Variants in MAST4 observed in about 807,000 individuals in gnomAD.
MAST4 encodes microtubule associated serine/threonine kinase family member 4.
Under a neutral mutation model 162.7 loss-of-function variants are expected in MAST4, and 89 were observed. That is an observed-to-expected ratio of 0.55 (90% CI 0.46 to 0.65). The LOEUF is 0.65. Among genes scored for constraint, MAST4 ranks in the 30% least tolerant of loss-of-function variants. The pLI, the probability that MAST4 is intolerant of heterozygous loss-of-function variation, is 0.00. For synonymous variants in MAST4, 1,479 were observed against 1,361.1 expected, an observed-to-expected ratio of 1.09 and a Z score of -1.91; for missense variants, 3,153 against 3,374.0, an observed-to-expected ratio of 0.93 and a Z score of 1.62.
chr5:66,637,352 G>C (rs188649631), intron 1 of MAST4, among the ~76,000 whole-genome samples: 30 of 151,920 alleles, frequency 2.0e-4, no homozygotes, highest in African/African-American at 7.0e-4. Flanking sequence ...CAAATTGGTG[G>C]GACAAAGAGT....
intron 3 of MAST4, among the ~76,000 whole-genome samples, chr5:66,842,982 CA>C (rs1283967733): frequency 4.6e-5 from 7 of 152,208 alleles, no homozygotes; most frequent in African/African-American, 1.7e-4. Flanking sequence ...TAGCCTAGAC[CA>C]ATCAAAATAA....
intron 4 of MAST4, among the ~76,000 whole-genome samples, chr5:66,959,719 G>A (rs1263147698): frequency 1.3e-5 from 2 of 152,218 alleles, no homozygotes; most frequent in Admixed American, 1.3e-4. Flanking sequence ...AGGGTTATTT[G>A]TGACGTTCAT....
chr5:66,804,037 G>A (rs191945221), intron 3 of MAST4, among the ~76,000 whole-genome samples: 2 of 150,268 alleles, frequency 1.3e-5, no homozygotes, highest in East Asian at 3.9e-4. Flanking sequence ...TACATTTATT[G>A]ATGGCCATTA....
At chr5:66,969,883 A>G (rs922256972) in intron 4 of MAST4, among the ~76,000 whole-genome samples, 2 of 152,166 alleles carry the variant, frequency 1.3e-5, no homozygotes, top group Non-Finnish European at 2.9e-5. Flanking sequence ...TGTGGAGAAC[A>G]TTGAAAAAAT....
chr5:66,805,678 A>G (rs1425847024), intron 3 of MAST4, among the ~76,000 whole-genome samples: 2 of 152,160 alleles, frequency 1.3e-5, no homozygotes, highest in African/African-American at 2.4e-5. Flanking sequence ...CCCGAGGCTG[A>G]TGTGACTAGT....
At chr5:66,845,126 T>TACACACACACACAC (rs1554058478) in intron 3 of MAST4, among the ~76,000 whole-genome samples, 2 of 67,176 alleles carry the variant, frequency 3.0e-5, no homozygotes, top group African/African-American at 1.1e-4. Context: ...TATATATATA[T>TACACACACACACAC]ACACACACAC....
intron 1 of MAST4, among the ~76,000 whole-genome samples, chr5:66,701,921 A>G (rs1749802679): frequency 6.6e-6 from 1 of 152,368 alleles, no homozygotes; most frequent in East Asian, 1.9e-4. Flanking sequence ...TTAGAAAATT[A>G]AATTCATATA....
At chr5:67,111,378 A>G (rs1273762779) in intron 11 of MAST4, among the ~76,000 whole-genome samples, 1 of 152,248 alleles carries the variant, frequency 6.6e-6, no homozygotes, top group Non-Finnish European at 1.5e-5. Flanking sequence ...AGCACCATAA[A>G]TACGTACTAG....
Position 66,889,931 on chromosome 5 carries a change from C to G in MAST4, c.643-10020C>G, listed in dbSNP as rs536818170. Among the ~76,000 whole-genome samples the G allele has an allele frequency of 1.2e-3, 176 of 152,226 alleles. 2 individuals carry two copies. Among genetic ancestry groups the G allele is most frequent in the South Asian group, 9.3e-3 (45 of 4,816 alleles). On this transcript the variant is annotated intron_variant, in intron 3 of 28. Transcript: ENST00000403625. ...ATTAGAATATGGGTATGTCTGAATC[C>G]TGATCCTATTTGTTTAATCACTATG...
At chr5:66,722,469 A>G (rs1554046147) in intron 1 of MAST4, among the ~76,000 whole-genome samples, 1 of 142,658 alleles carries the variant, frequency 7.0e-6, no homozygotes, top group African/African-American at 2.7e-5. Flanking sequence ...TTTTTTTTAC[A>G]TAGTATTTTA....
Position 67,152,849 on chromosome 5 carries a change from G to A in MAST4, c.3508G>A (p.Val1170Met). Residue 1170 changes from valine to methionine, a missense_variant, in exon 25 of 29, where the codon GTG (valine) becomes ATG (methionine). Coordinates refer to ENST00000403625, the MANE Select transcript of MAST4 (RefSeq NM_001164664.2). ...VYVGDSDIYTVHHIVWNVEEG... is the reference protein window; with the variant it reads ...VYVGDSDIYTMHHIVWNVEEG... ...TGTGGGAGACAGTGACATCTATACA[G>A]TGCACCATATCGTCTGGGTAAGACC... 6.2e-7 allele frequency: 1 copy of A among 1,613,828 alleles called. No homozygotes were observed.
intron 3 of MAST4, among the ~76,000 whole-genome samples, chr5:66,869,196 A>G (rs921820257): frequency 6.6e-6 from 1 of 152,158 alleles, no homozygotes; most frequent in Non-Finnish European, 1.5e-5. Context: ...AACTTCTTTT[A>G]GGGGGAAAAA....
chr5:66,907,587 CGT>C (rs59273615), intron 4 of MAST4, among the ~76,000 whole-genome samples: 10,849 of 143,512 alleles, frequency 0.076, 375 homozygotes, highest in East Asian at 0.13. Flanking sequence ...TAGGTTGATG[CGT>C]GTGTGTGTGT....
intron 4 of MAST4, among the ~76,000 whole-genome samples, chr5:67,002,663 G>C (rs902367744): frequency 6.6e-6 from 1 of 152,280 alleles, no homozygotes; most frequent in African/African-American, 2.4e-5. Flanking sequence ...GACATTGCGT[G>C]AAAGGGCTTA....
intron 3 of MAST4, among the ~76,000 whole-genome samples, chr5:66,859,492 A>G (rs934159274): frequency 6.6e-6 from 1 of 151,962 alleles, no homozygotes; most frequent in African/African-American, 2.4e-5. Context: ...CCTCCCCATT[A>G]CCTTAAACCT....
intron 4 of MAST4, among the ~76,000 whole-genome samples, chr5:67,042,374 C>T (rs1464657907): frequency 2.0e-5 from 3 of 152,214 alleles, no homozygotes; most frequent in Non-Finnish European, 4.4e-5. Flanking sequence ...TTCCCCAGTC[C>T]TCCTGTCTTT....
At chr5:67,052,250 T>C (rs1758277701) in intron 4 of MAST4, among the ~76,000 whole-genome samples, 1 of 152,210 alleles carries the variant, frequency 6.6e-6, no homozygotes, top group Non-Finnish European at 1.5e-5. Context: ...ATTAGAAATC[T>C]GTATAGAGGA....
chr5:67,028,162 C>T (rs1408043064), intron 4 of MAST4, among the ~76,000 whole-genome samples: 3 of 151,958 alleles, frequency 2.0e-5, no homozygotes, highest in Non-Finnish European at 4.4e-5. Flanking sequence ...TGAGGGCATC[C>T]AGGAGACACA....
chr5:66,904,827 T>C (rs1047301967), intron 4 of MAST4, among the ~76,000 whole-genome samples: 1 of 151,884 alleles, frequency 6.6e-6, no homozygotes, highest in African/African-American at 2.4e-5. Flanking sequence ...CAGGAGTATA[T>C]TGCATGACAC....
Sources: allele counts gnomAD v4.1 joint callset (sites outside exome capture counted in the v4.1 genomes callset), GRCh38; gene constraint gnomAD v4.1.1; transcripts MANE v1.5; gene names NCBI Gene and HGNC (gene_info 2026-07-23, HGNC 2026-07-21).